EARS2: variants seen among roughly 807,000 people sequenced by gnomAD.
EARS2 encodes glutamyl-tRNA synthetase 2, mitochondrial, also known as nondiscriminating glutamyl-tRNA synthetase EARS2, mitochondrial.
In EARS2, 50 loss-of-function variants were observed where a neutral mutation model predicts 54.1. That is an observed-to-expected ratio of 0.92 (90% CI 0.74 to 1.17). EARS2 has a LOEUF of 1.17. Among genes scored for constraint, EARS2 ranks in the 50% most tolerant of loss-of-function variants. The pLI is 0.00. For synonymous variants in EARS2, 298 were observed against 281.0 expected (o/e 1.06, Z -0.61); for missense variants, 673 against 675.0 (o/e 1.00, Z 0.03).
At chr16:23,544,727 G>C in intron 2 of EARS2, 24 bp from the exon 3 acceptor site, 7 of 1,577,498 alleles carry the variant, frequency 4.4e-6, no homozygotes, top group Non-Finnish European at 6.0e-6. Flanking sequence ...AATAATGACA[G>C]CTAAGGTGCA....
At chr16:23,527,001 C>CACA (rs781029701) in intron 7 of EARS2, among the ~76,000 whole-genome samples, 14 of 152,038 alleles carry the variant, frequency 9.2e-5, no homozygotes, top group Non-Finnish European at 1.9e-4. Flanking sequence ...CTTGCTCTGT[C>CACA]ACCTAGGCTG....
chr16:23,547,349 T>C (rs907210262), intron 2 of EARS2, among the ~76,000 whole-genome samples: 2 of 151,738 alleles, frequency 1.3e-5, no homozygotes, highest in African/African-American at 4.8e-5. Flanking sequence ...TAGGAGAGGG[T>C]AGAATGGAAA....
chr16:23,551,793 C>T (rs1270952472), intron 2 of EARS2, among the ~76,000 whole-genome samples: 2 of 152,006 alleles, frequency 1.3e-5, no homozygotes, highest in Non-Finnish European at 2.9e-5. Flanking sequence ...TGGTGGCGGG[C>T]GCCTGTAGTT....
In EARS2 at chr16:23,524,346, C is replaced by G; in HGVS notation, c.*25G>C. The G allele has an allele frequency of 6.3e-7, 1 of 1,599,998 alleles. No individual in the cohort carries two copies. The highest frequency in any genetic ancestry group is 8.6e-7 in the Non-Finnish European group (1 of 1,167,032). On this transcript the variant is annotated 3_prime_UTR_variant, in exon 9 of 9. Coordinates refer to ENST00000449606, the MANE Select transcript of EARS2 (RefSeq NM_001083614.2). Reference sequence around the variant, plus strand: ...TAAGCTCACAGGTTCTTAGGGCGATCTCCACTGCCCGAAACATCCTCTCCC... The same window carrying G: ...TAAGCTCACAGGTTCTTAGGGCGATGTCCACTGCCCGAAACATCCTCTCCC...
intron 3 of EARS2, among the ~76,000 whole-genome samples, chr16:23,542,549 C>T (rs559407912): frequency 3.3e-5 from 5 of 150,842 alleles, no homozygotes; most frequent in Non-Finnish European, 7.4e-5. Context: ...CTCTTGACCT[C>T]GTGATCCACC....
intron 2 of EARS2, among the ~76,000 whole-genome samples, chr16:23,545,757 G>A (rs1379250599): frequency 1.3e-5 from 2 of 152,068 alleles, no homozygotes; most frequent in African/African-American, 2.4e-5. Context: ...TCGAACTTCC[G>A]GGCTCAAGCC....
intron 4 of EARS2, among the ~76,000 whole-genome samples, chr16:23,534,681 A>G (rs1038144322): frequency 3.3e-5 from 5 of 152,194 alleles, no homozygotes; most frequent in African/African-American, 1.2e-4. Context: ...GGCAGGGATC[A>G]TGTCTATCTC....
intron 5 of EARS2, among the ~76,000 whole-genome samples, chr16:23,530,146 T>C (rs1284765485): frequency 6.6e-6 from 1 of 152,182 alleles, no homozygotes; most frequent in Non-Finnish European, 1.5e-5. Flanking sequence ...TTGTTTTTGT[T>C]TGAGAGTCTT....
At chr16:23,553,303 C>T (rs149725061) in intron 1 of EARS2, among the ~76,000 whole-genome samples, 13 of 152,268 alleles carry the variant, frequency 8.5e-5, no homozygotes, top group African/African-American at 3.1e-4. Flanking sequence ...GCATCCACCA[C>T]TCTATTTTGA....
chr16:23,528,669 G>A (rs1394683651), intron 7 of EARS2, among the ~76,000 whole-genome samples: 1 of 152,210 alleles, frequency 6.6e-6, no homozygotes, highest in Non-Finnish European at 1.5e-5. Flanking sequence ...GTGAGGCTGA[G>A]GTGTGAAGAT....
intron 3 of EARS2, among the ~76,000 whole-genome samples, chr16:23,538,841 C>T (rs930132573): frequency 1.3e-5 from 2 of 152,002 alleles, no homozygotes; most frequent in Non-Finnish European, 2.9e-5. Context: ...GGTGACACAG[C>T]AAGACCCTGT....
At chr16:23,539,502 T>C (rs1965478383) in intron 3 of EARS2, among the ~76,000 whole-genome samples, 1 of 152,204 alleles carries the variant, frequency 6.6e-6, no homozygotes, top group South Asian at 2.1e-4. Context: ...TGGGTAGTTG[T>C]TACCTTACTG....
Position 23,532,645 on chromosome 16 carries a change from C to A in EARS2, c.1067+12G>T, listed in dbSNP as rs1965345078. ...CCTTTGCCACCAGGGGATCTCCATGCTCCCCACTCACCTGTTGAATTCTGG... is the reference window on the plus strand; with the variant it reads ...CCTTTGCCACCAGGGGATCTCCATGATCCCCACTCACCTGTTGAATTCTGG... On this transcript the variant is annotated intron_variant, in intron 5 of 8. Coordinates refer to ENST00000449606, the MANE Select transcript of EARS2 (RefSeq NM_001083614.2). 6.3e-7 allele frequency: 1 copy of A among 1,599,274 alleles called. No homozygotes were observed. The highest frequency in any genetic ancestry group is 1.3e-5 in the African/African-American group (1 of 74,778).
rs767798450 is a variant in EARS2, at chr16:23,524,456, T to TA, written c.1489-3dup. The TA allele has an allele frequency of 6.2e-7, 1 of 1,614,008 alleles. No individual in the cohort carries two copies. Among genetic ancestry groups the TA allele is most frequent in the African/African-American group, 1.3e-5 (1 of 75,030 alleles). ...CATCTCAGCTACAGGAGGTCCTTGC[T>TA]AAGAACAAAAAGAGCAAATATTGCC... On this transcript the variant is annotated splice_polypyrimidine_tract_variant and splice_region_variant and intron_variant, in intron 8 of 8. Coordinates refer to ENST00000449606, the MANE Select transcript of EARS2 (RefSeq NM_001083614.2).
chr16:23,541,816 C>T (rs1330520186), intron 3 of EARS2, among the ~76,000 whole-genome samples: 1 of 151,710 alleles, frequency 6.6e-6, no homozygotes, highest in Non-Finnish European at 1.5e-5. Context: ...GCCTCAACCT[C>T]CCAGGTAGCT....
chr16:23,529,540 G>C lies in EARS2; in HGVS notation c.1314C>G (p.Ile438Met). 1 of 1,614,160 alleles carries C rather than the reference G, an allele frequency of 6.2e-7. No homozygotes were observed. The highest frequency in any genetic ancestry group is 8.5e-7 in the Non-Finnish European group (1 of 1,180,022). ...PAVGRAQLDA[I>M]SEKVDVIAKR... Reference sequence around the variant, plus strand: ...TGGCAATCACATCCACCTTCTCCGAGATGGCGTCCAGCTGTGCTCGACCTA... The same window carrying C: ...TGGCAATCACATCCACCTTCTCCGACATGGCGTCCAGCTGTGCTCGACCTA... The change falls in exon 7 of 9, where the codon ATC becomes ATG. Residue 438 changes from isoleucine to methionine, a missense_variant. Physicochemically the swap from Ile to Met is conservative, Grantham distance 10 (BLOSUM62 1). Around this residue, in one of 3 missense-constraint regions of EARS2, gnomAD observed 338 missense variants for 361.2 expected, o/e 0.94. Transcript: ENST00000449606.
Position 23,529,499 on chromosome 16 carries a change from C to T in EARS2, c.1352+3G>A, listed in dbSNP as rs1206252102. 1.2e-6 allele frequency: 2 copies of T among 1,613,092 alleles called. No individual in the cohort carries two copies. The highest frequency in any genetic ancestry group is 1.7e-6 in the Non-Finnish European group (2 of 1,179,524). ...ACCCTGAGCTCAGCCTGCGGGTACT[C>T]ACCCCAGCACACGCTTGGCAATCAC... On this transcript the variant is annotated splice_donor_region_variant and intron_variant, in intron 7 of 8. Coordinates refer to ENST00000449606, the MANE Select transcript of EARS2 (RefSeq NM_001083614.2).
chr16:23,544,546 C>T lies in EARS2; in HGVS notation c.453G>A (p.Lys151=), dbSNP rs746463644. The T allele has an allele frequency of 1.2e-6, 2 of 1,614,014 alleles. No individual in the cohort carries two copies. The highest frequency in any genetic ancestry group is 2.7e-5 in the African/African-American group (2 of 74,944). ...FCSPQRLELL[K]KEALRNHQTP... ...TCTGGTGGTTCCGCAAGGCCTCCTT[C>T]TTCAGGAGCTCCAGCCGCTGGGGTG... Residue 151 remains lysine (K), a synonymous_variant, in exon 3 of 9, where the codon AAG becomes AAA. Coordinates refer to ENST00000449606, the MANE Select transcript of EARS2 (RefSeq NM_001083614.2).
intron 2 of EARS2, among the ~76,000 whole-genome samples, chr16:23,547,217 CG>C (rs1814243443): frequency 6.6e-6 from 1 of 152,064 alleles, no homozygotes; most frequent in Admixed American, 6.6e-5. Flanking sequence ...CCCACAGATG[CG>C]CTTATGGTAA....
Sources: allele counts gnomAD v4.1 joint callset (sites outside exome capture counted in the v4.1 genomes callset), GRCh38; gene constraint gnomAD v4.1.1; regional missense constraint gnomAD v4.1.1; transcripts MANE v1.5; gene names NCBI Gene and HGNC (gene_info 2026-07-23, HGNC 2026-07-21).